Variants in PHLDB2 observed in about 807,000 individuals in gnomAD.
PHLDB2 encodes the protein pleckstrin homology like domain family B member 2, also known as pleckstrin homology-like domain family B member 2.
In PHLDB2, 71 loss-of-function variants were observed where a neutral mutation model predicts 123.6. That is an observed-to-expected ratio of 0.57 (90% CI 0.47 to 0.70). The LOEUF is 0.70. PHLDB2 is among the 30% of genes least tolerant of loss of function. The pLI, the probability that PHLDB2 is intolerant of heterozygous loss-of-function variation, is 0.00. For synonymous variants in PHLDB2, 547 were observed against 541.6 expected (o/e 1.01, Z -0.14); for missense variants, 1,446 against 1,519.5 (o/e 0.95, Z 0.80).
At chr3:111,855,676 A>G (rs1576900062), upstream of PHLDB2, among the ~76,000 whole-genome samples, 1 of 108,808 alleles carries the variant, frequency 9.2e-6, no homozygotes, top group African/African-American at 3.7e-5. Context: ...TCACTCTGCC[A>G]CCCAGGCTGG....
intron 1 of PHLDB2, among the ~76,000 whole-genome samples, chr3:111,734,166 G>T (rs1480893923): frequency 6.6e-6 from 1 of 152,210 alleles, no homozygotes; most frequent in African/African-American, 2.4e-5. Flanking sequence ...ACGTTTCTGT[G>T]AAGATATTAA....
chr3:111,811,019 C>G (rs2108332441), intron 1 of PHLDB2, among the ~76,000 whole-genome samples: 1 of 152,180 alleles, frequency 6.6e-6, no homozygotes, highest in South Asian at 2.1e-4. Context: ...CCATGAACCC[C>G]CTCAGGGAAA....
At chr3:111,954,414 T>C (rs2070909721) in intron 12 of PHLDB2, among the ~76,000 whole-genome samples, 1 of 152,238 alleles carries the variant, frequency 6.6e-6, no homozygotes, top group East Asian at 1.9e-4. Flanking sequence ...AACCTTGTGC[T>C]AAAGAATCAT....
At chr3:111,742,630 G>A (rs990824302) in intron 1 of PHLDB2, among the ~76,000 whole-genome samples, 7 of 152,294 alleles carry the variant, frequency 4.6e-5, no homozygotes, top group Non-Finnish European at 8.8e-5. Context: ...TCCCTACAAA[G>A]GATATGAACT....
intron 16 of PHLDB2, 58 bp downstream of exon 16, chr3:111,969,967 G>A (rs2072056612): frequency 1.3e-6 from 2 of 1,529,076 alleles, no homozygotes; most frequent in Non-Finnish European, 1.8e-6. Flanking sequence ...CTGTTAAAGA[G>A]CAAAGGCAAT....
At chr3:111,876,681 A>G (rs143056716) in intron 1 of PHLDB2, among the ~76,000 whole-genome samples, 10,083 of 152,052 alleles carry the variant, frequency 0.066, 368 homozygotes, top group Middle Eastern at 0.082. Flanking sequence ...TCAACCTGTC[A>G]TCTACATTAA....
intron 12 of PHLDB2, 65 bp from the exon 13 acceptor site, chr3:111,962,043 T>C: frequency 6.9e-7 from 1 of 1,450,048 alleles, no homozygotes; most frequent in Non-Finnish European, 9.5e-7. Flanking sequence ...CTTGTGTCTG[T>C]AGATGTTTAA....
intron 2 of PHLDB2, chr3:111,846,043 C>T: frequency 1.7e-6 from 2 of 1,150,524 alleles, no homozygotes; most frequent in Admixed American, 4.3e-5. Flanking sequence ...AGGAGTCCAG[C>T]AATCATTGGG....
At chr3:111,738,990 G>A (rs111306829) in intron 1 of PHLDB2, among the ~76,000 whole-genome samples, 3 of 152,236 alleles carry the variant, frequency 2.0e-5, no homozygotes, top group African/African-American at 4.8e-5. Flanking sequence ...AAGTCACTTC[G>A]GCTTTCGTGG....
intron 1 of PHLDB2, among the ~76,000 whole-genome samples, chr3:111,790,117 A>T (rs569547444): frequency 6.6e-6 from 1 of 152,200 alleles, no homozygotes; most frequent in African/African-American, 2.4e-5. Context: ...GCTACTAGGA[A>T]GTGGAGGCCT....
chr3:111,945,560 T>G, intron 9 of PHLDB2: 1 of 565,372 alleles, frequency 1.8e-6, no homozygotes, highest in Non-Finnish European at 3.1e-6. Context: ...AGATGCACAT[T>G]GTGTGTGTGT....
At chr3:111,865,543 G>A (rs1341875830) in intron 1 of PHLDB2, among the ~76,000 whole-genome samples, 1 of 152,078 alleles carries the variant, frequency 6.6e-6, no homozygotes, top group Admixed American at 6.5e-5. Flanking sequence ...AGAACATGTA[G>A]TTCACTCTCA....
At chr3:111,872,224 G>T (rs2065373384) in intron 1 of PHLDB2, among the ~76,000 whole-genome samples, 1 of 152,204 alleles carries the variant, frequency 6.6e-6, no homozygotes, top group South Asian at 2.1e-4. Context: ...TAAGGCCTTT[G>T]GGACTGTTTT....
chr3:111,908,796 T>TTTCCCTCCTTTCTGTC, intron 2 of PHLDB2, among the ~76,000 whole-genome samples: 1 of 152,296 alleles, frequency 6.6e-6, no homozygotes, highest in Admixed American at 6.5e-5. Context: ...TTGCTTCTGT[T>TTTCCCTCCTTTCTGTC]TTCCCTCCTT....
chr3:111,958,424 A>T lies in PHLDB2; in HGVS notation c.2873-3684A>T, dbSNP rs564395140. 6.9e-5 allele frequency: 36 copies of T among 518,282 alleles called. No individual in the cohort carries two copies. In the South Asian group the frequency reaches 8.8e-4, roughly 13 times the overall value. The allele number at this position is 518,282 out of a possible 1,614,324, so 32.1% of individuals were successfully genotyped here. ...AGCCATGTAAAAGTATATACCACAT[A>T]TTGGGAATGTATTGGCAGGACTCTA... On this transcript the variant is annotated intron_variant, in intron 12 of 17. Transcript: ENST00000431670.
Position 111,969,875 on chromosome 3 carries a change from TG to T in PHLDB2, c.3502del (p.Asp1168IlefsTer18). On this transcript the variant is annotated frameshift_variant, in exon 16 of 18. Coordinates refer to ENST00000431670, the MANE Select transcript of PHLDB2 (RefSeq NM_001134438.2). LOFTEE classifies it high-confidence loss of function. The stretch of plus-strand genomic sequence containing the variant: ...CGTGGAAAAAACGTTGGTTTGTTTT[TG>T]ATCGGAACAAGCGAACATTCTCTTA... ...KTWKKRWFVF[D>X]RNKRTFSYYA... 6.2e-7 allele frequency: 1 copy of T among 1,614,018 alleles called. No homozygotes were observed.
chr3:111,758,066 TGAG>T (rs2059927660), intron 1 of PHLDB2, among the ~76,000 whole-genome samples: 1 of 152,144 alleles, frequency 6.6e-6, no homozygotes, highest in Admixed American at 6.5e-5. Flanking sequence ...GGGACCCACT[TGAG>T]GAGGCAGTCT....
Position 111,885,365 on chromosome 3 carries a change from C to T in PHLDB2, c.1288C>T (p.Arg430Trp), listed in dbSNP as rs779212442. 3.2e-5 allele frequency: 51 copies of T among 1,613,946 alleles called. 1 individual carries two copies. The South Asian group carries it at 3.5e-4, about 11-fold the overall frequency. Residue 430 changes from arginine (R) to tryptophan (W), a missense_variant, in exon 2 of 18, where the codon CGG becomes TGG. Coordinates refer to ENST00000431670, the MANE Select transcript of PHLDB2 (RefSeq NM_001134438.2). ...ACGTGATGACCTGATGGATTATCAC[C>T]GGCGGCAGAGGGAGGAAAGACTCAG... is the stretch of plus-strand genomic sequence containing the variant. The part of the protein sequence containing the change: ...SGRDDLMDYH[R>W]RQREERLREQ...
chr3:111,945,496 G>T, intron 9 of PHLDB2, 139 bp downstream of exon 9: 1 of 698,226 alleles, frequency 1.4e-6, no homozygotes, highest in Non-Finnish European at 2.5e-6. Context: ...TGGTTTCCCT[G>T]CCTTTCATTA....
Sources: allele counts gnomAD v4.1 joint callset (sites outside exome capture counted in the v4.1 genomes callset), GRCh38; gene constraint gnomAD v4.1.1; transcripts MANE v1.5; gene names NCBI Gene and HGNC (gene_info 2026-07-23, HGNC 2026-07-21).